Variants in DAB1 observed in about 807,000 individuals in gnomAD.
The protein encoded by DAB1 is disabled homolog 1.
Under a neutral mutation model 64.6 loss-of-function variants are expected in DAB1, and 15 were observed. The observed-to-expected ratio is 0.23, with a 90% CI of 0.16 to 0.36. The LOEUF is 0.36. DAB1 is among the 10% of genes least tolerant of loss of function. The pLI is 1.00. For synonymous variants in DAB1, 235 were observed against 251.9 expected, an observed-to-expected ratio of 0.93 and a Z score of 0.64; for missense variants, 596 against 706.7, an observed-to-expected ratio of 0.84 and a Z score of 1.78.
intron 6 of DAB1, among the ~76,000 whole-genome samples, chr1:57,703,578 A>C (rs1191137230): frequency 1.3e-5 from 2 of 152,120 alleles, no homozygotes; most frequent in Non-Finnish European, 2.9e-5. Flanking sequence ...ACACTTATAC[A>C]CTGTTGGTGG....
chr1:58,103,624 G>T (rs779567292), intron 5 of DAB1, among the ~76,000 whole-genome samples: 1 of 152,024 alleles, frequency 6.6e-6, no homozygotes, highest in Non-Finnish European at 1.5e-5. Flanking sequence ...TTGATAATGC[G>T]TTCATTCTGA....
At chr1:57,282,172 G>C (rs1671948356) in intron 2 of DAB1, among the ~76,000 whole-genome samples, 1 of 115,894 alleles carries the variant, frequency 8.6e-6, no homozygotes. Flanking sequence ...GACAGAGCAA[G>C]CCTTCTTCTC....
intron 11 of DAB1, among the ~76,000 whole-genome samples, chr1:57,016,040 T>C (rs1193850764): frequency 6.6e-6 from 1 of 152,212 alleles, no homozygotes; most frequent in Non-Finnish European, 1.5e-5. Flanking sequence ...AAAATGGGTA[T>C]AAACACCTTC....
chr1:58,332,579 T>C (rs1557733540), intron 4 of DAB1, among the ~76,000 whole-genome samples: 1 of 152,202 alleles, frequency 6.6e-6, no homozygotes, highest in Non-Finnish European at 1.5e-5. Context: ...TGTTAAAAAT[T>C]GTGAAGAATG....
intron 1 of DAB1, among the ~76,000 whole-genome samples, chr1:57,846,739 G>A (rs576456723): frequency 7.2e-4 from 110 of 152,282 alleles, no homozygotes; most frequent in African/African-American, 2.3e-3. Flanking sequence ...AGTCAGGTTT[G>A]TCCAGTGAGT....
At chr1:58,258,440 C>A (rs947875030) in intron 4 of DAB1, among the ~76,000 whole-genome samples, 1 of 152,198 alleles carries the variant, frequency 6.6e-6, no homozygotes, top group African/African-American at 2.4e-5. Flanking sequence ...TTGAATGGCA[C>A]AGACGAAATG....
At chr1:57,817,374 C>T (rs1434035065) in intron 6 of DAB1, among the ~76,000 whole-genome samples, 3 of 152,178 alleles carry the variant, frequency 2.0e-5, no homozygotes, top group Non-Finnish European at 4.4e-5. Context: ...AAGCATTCTT[C>T]TGATTGCTTC....
chr1:57,159,825 T>C (rs1284602670), intron 2 of DAB1, among the ~76,000 whole-genome samples: 1 of 105,380 alleles, frequency 9.5e-6, no homozygotes, highest in Non-Finnish European at 1.9e-5. Flanking sequence ...TGGCCAATAA[T>C]ATCTTCACGT....
At chr1:58,206,049 T>C (rs978000641) in intron 4 of DAB1, among the ~76,000 whole-genome samples, 3 of 152,116 alleles carry the variant, frequency 2.0e-5, no homozygotes, top group Admixed American at 1.3e-4. Context: ...TCTCAGTCAA[T>C]TTAGGAAGTT....
At chr1:57,540,674 G>T (rs1644791238) in intron 7 of DAB1, among the ~76,000 whole-genome samples, 1 of 152,138 alleles carries the variant, frequency 6.6e-6, no homozygotes, top group African/African-American at 2.4e-5. Flanking sequence ...AACATGAGTG[G>T]AACTGAAGCT....
intron 6 of DAB1, among the ~76,000 whole-genome samples, chr1:57,808,634 A>AGGT (rs1163836177): frequency 6.6e-6 from 1 of 152,226 alleles, no homozygotes; most frequent in African/African-American, 2.4e-5. Context: ...AAATGTTCAC[A>AGGT]ACTTTAGGAA....
At chr1:58,260,338 A>G (rs1331706645) in intron 4 of DAB1, among the ~76,000 whole-genome samples, 1 of 152,150 alleles carries the variant, frequency 6.6e-6, no homozygotes, top group Non-Finnish European at 1.5e-5. Context: ...GCCAGCATAG[A>G]GGGGAATCTG....
intron 1 of DAB1, among the ~76,000 whole-genome samples, chr1:57,368,802 G>T (rs906429528): frequency 2.6e-5 from 4 of 151,996 alleles, no homozygotes; most frequent in Admixed American, 1.3e-4. Flanking sequence ...GCCAACAAAG[G>T]TTTCCAGACA....
chr1:58,153,794 G>T (rs556180918), intron 4 of DAB1, among the ~76,000 whole-genome samples: 1 of 149,824 alleles, frequency 6.7e-6, no homozygotes, highest in Admixed American at 6.7e-5. Flanking sequence ...GTGTTAACCC[G>T]TCCTGTCATG....
chr1:57,012,269 ATGC>A (rs1319360764), intron 12 of DAB1, among the ~76,000 whole-genome samples: 1 of 152,206 alleles, frequency 6.6e-6, no homozygotes, highest in Non-Finnish European at 1.5e-5. Context: ...TAGAAAGATG[ATGC>A]TATTTCCTAA....
At chr1:57,366,956 C>T (rs185489463) in intron 1 of DAB1, among the ~76,000 whole-genome samples, 12 of 151,794 alleles carry the variant, frequency 7.9e-5, no homozygotes, top group East Asian at 5.8e-4. Flanking sequence ...CCTATAATCC[C>T]GACACTTTGG....
chr1:58,490,675 T>G (rs975062756), intron 3 of DAB1, among the ~76,000 whole-genome samples: 7 of 151,866 alleles, frequency 4.6e-5, no homozygotes, highest in African/African-American at 1.7e-4. Flanking sequence ...GGAAAAAATG[T>G]TAAGGGCAGC....
At chr1:58,132,673 G>A (rs1193434343) in intron 5 of DAB1, among the ~76,000 whole-genome samples, 1 of 152,048 alleles carries the variant, frequency 6.6e-6, no homozygotes, top group Admixed American at 6.5e-5. Context: ...TATTTGACAG[G>A]GTAACACAAA....
intron 6 of DAB1, among the ~76,000 whole-genome samples, chr1:57,732,560 T>G (rs1227913067): frequency 6.6e-6 from 1 of 152,212 alleles, no homozygotes; most frequent in Non-Finnish European, 1.5e-5. Flanking sequence ...CTATTAAATC[T>G]GGAGAAAATA....
Sources: allele counts gnomAD v4.1 joint callset (sites outside exome capture counted in the v4.1 genomes callset), GRCh38; gene constraint gnomAD v4.1.1; transcripts MANE v1.5; gene names NCBI Gene and HGNC (gene_info 2026-07-23, HGNC 2026-07-21).